The following BFSP1 variants were observed in gnomAD, a reference collection of about 807,000 sequenced individuals.
BFSP1 encodes beaded filament structural protein 1, also known as filensin.
BFSP1 carries 38 observed loss-of-function variants against 43.9 expected under a neutral mutation model. The ratio of observed to expected loss-of-function variants is 0.87; its 90% CI spans 0.67 to 1.14. The LOEUF (loss-of-function observed/expected upper bound fraction) is 1.14, where lower values mean the gene tolerates loss of function less well. BFSP1 is among the 50% of genes most tolerant of loss of function. The pLI is 0.00. For missense variants in BFSP1, 850 were observed against 875.1 expected (o/e 0.97, Z 0.36); for synonymous variants, 352 against 354.8 (o/e 0.99, Z 0.09).
chr20:17,564,879 A>G (rs560728913), intron 1 of BFSP1, among the ~76,000 whole-genome samples: 2 of 151,708 alleles, frequency 1.3e-5, no homozygotes, highest in Non-Finnish European at 2.9e-5. Flanking sequence ...GTGAGCCACC[A>G]TGTCCGGCAA....
chr20:17,511,991 C>A lies in BFSP1; in HGVS notation c.612G>T (p.Thr204=). The change falls in exon 4 of 8, where the codon ACG becomes ACT. Residue 204 remains threonine, a synonymous_variant. Coordinates refer to ENST00000377873, the MANE Select transcript of BFSP1 (RefSeq NM_001195.5). ...IHTTPPASIV[T]SGMREEKLLT... ...CAATTCTTACCTCCCTCATCCCACT[C>A]GTCACAATGGATGCTGGAGGAGTGG... 1 of 1,608,998 alleles carries A rather than the reference C, an allele frequency of 6.2e-7. No homozygotes were observed.
rs73902003 is a variant in BFSP1, at chr20:17,509,225, C to T, written c.628-229G>A. 6.8e-3 allele frequency among the ~76,000 whole-genome samples: 1,032 copies of T among 152,148 alleles called. 19 individuals carry two copies. The highest frequency in any genetic ancestry group is 0.024 in the African/African-American group (990 of 41,480). On this transcript the variant is annotated intron_variant, in intron 4 of 7. Coordinates refer to ENST00000377873, the MANE Select transcript of BFSP1 (RefSeq NM_001195.5). ...CATGTGATTAGGGTCTTTGTAAGAACAAGAAGAGACACCAGAGCCCCCACC... is the reference window on the plus strand; with the variant it reads ...CATGTGATTAGGGTCTTTGTAAGAATAAGAAGAGACACCAGAGCCCCCACC...
chr20:17,566,459 T>C (rs1402527895), intron 1 of BFSP1, among the ~76,000 whole-genome samples: 1 of 152,178 alleles, frequency 6.6e-6, no homozygotes, highest in East Asian at 1.9e-4. Context: ...TCTTAGTCTG[T>C]TCAGGCTGCT....
At chr20:17,558,855 CAG>C in exon 1 of BFSP1, 1 of 1,001,586 alleles carries the variant, frequency 1.0e-6, no homozygotes, top group Non-Finnish European at 1.4e-6. Context: ...TAGAGGTTTG[CAG>C]AGAGGAAGTG....
chr20:17,517,632 C>G (rs2034230038), intron 2 of BFSP1, among the ~76,000 whole-genome samples: 1 of 152,144 alleles, frequency 6.6e-6, no homozygotes, highest in African/African-American at 2.4e-5. Flanking sequence ...TAAAAAGAAA[C>G]AGGTGAAATT....
chr20:17,546,827 C>G (rs1341981836), intron 1 of BFSP1, among the ~76,000 whole-genome samples: 1 of 151,750 alleles, frequency 6.6e-6, no homozygotes, highest in Non-Finnish European at 1.5e-5. Flanking sequence ...AGTTCGAGAC[C>G]AGCCTGGCCA....
intron 1 of BFSP1, among the ~76,000 whole-genome samples, chr20:17,564,182 A>G (rs1381407877): frequency 4.6e-5 from 7 of 151,882 alleles, no homozygotes; most frequent in Non-Finnish European, 1.0e-4. Flanking sequence ...ACACAGACAC[A>G]CACACACACA....
At position 17,547,588 on chromosome 20, in the gene BFSP1, C is replaced by T. The variant is rs560891079; in HGVS notation, c.2+11100G>A. On this transcript the variant is annotated intron_variant, in intron 1 of 7. Transcript: ENST00000377868. ...GCACCCAATGATAATTAATAAAATGCTTAAGCCCAGTTTAACAATGTTTGT... is the reference window on the plus strand; with the variant it reads ...GCACCCAATGATAATTAATAAAATGTTTAAGCCCAGTTTAACAATGTTTGT... Among the ~76,000 whole-genome samples the T allele has an allele frequency of 3.9e-5, 6 of 152,212 alleles. No homozygotes were observed. The South Asian group carries it at 1.0e-3, about 26-fold the overall frequency.
At chr20:17,564,865 A>C (rs1232738045) in intron 1 of BFSP1, among the ~76,000 whole-genome samples, 1 of 152,104 alleles carries the variant, frequency 6.6e-6, no homozygotes, top group East Asian at 1.9e-4. Flanking sequence ...CTGGGATTAC[A>C]GGTGTGAGCC....
chr20:17,494,257 G>T lies in BFSP1; in HGVS notation c.1815C>A (p.Ser605Arg), dbSNP rs777378355. Residue 605 changes from serine (S) to arginine (R), a missense_variant, in exon 8 of 8, where the codon AGC (serine) becomes AGA (arginine). Coordinates refer to ENST00000377873, the MANE Select transcript of BFSP1 (RefSeq NM_001195.5). Reference protein sequence around the residue: ...QDGAEVLGTRSRSLPEKGPPK... With the variant: ...QDGAEVLGTRRRSLPEKGPPK... ...GAGGGCCTTTTTCTGGCAGGCTTCT[G>T]CTCCTAGTCCCAAGCACCTCAGCTC... The T allele has an allele frequency of 6.2e-7, 1 of 1,614,150 alleles. No homozygotes were observed. The highest frequency in any genetic ancestry group is 8.5e-7 in the Non-Finnish European group (1 of 1,180,034).
intron 2 of BFSP1, among the ~76,000 whole-genome samples, 190 bp downstream of exon 2, chr20:17,524,658 T>C (rs964347786): frequency 6.6e-6 from 1 of 151,856 alleles, no homozygotes; most frequent in Non-Finnish European, 1.5e-5. Flanking sequence ...GAGAGAGGGG[T>C]GTGTGTATGG....
chr20:17,523,935 G>A (rs1384496886), intron 2 of BFSP1, among the ~76,000 whole-genome samples: 3 of 152,062 alleles, frequency 2.0e-5, no homozygotes, highest in East Asian at 3.9e-4. Context: ...GAGGCTGCTT[G>A]GAGTTCCATG....
Position 17,544,483 on chromosome 20 carries a change from T to C in BFSP1, c.2+14205A>G, listed in dbSNP as rs2034769578. On this transcript the variant is annotated intron_variant, in intron 1 of 7. Transcript: ENST00000377868. ...ATTGTTTTCAGGTAATCAAATTAGC[T>C]GAAGTACCTCTACATAGTTATTTTA... Among the ~76,000 whole-genome samples the C allele has an allele frequency of 2.6e-5, 4 of 152,212 alleles. No homozygotes were observed. The South Asian group carries it at 8.3e-4, about 32-fold the overall frequency.
intron 1 of BFSP1, among the ~76,000 whole-genome samples, chr20:17,553,996 G>A (rs1489976159): frequency 6.6e-6 from 1 of 150,412 alleles, no homozygotes. Context: ...CATATTTTTA[G>A]CATTAGGGAA....
intron 1 of BFSP1, among the ~76,000 whole-genome samples, chr20:17,565,129 C>T (rs951916128): frequency 1.3e-5 from 2 of 152,130 alleles, no homozygotes. Context: ...CACTCCCACC[C>T]TATTTAACAC....
chr20:17,562,266 G>A (rs544846191), upstream of BFSP1, among the ~76,000 whole-genome samples: 196 of 107,168 alleles, frequency 1.8e-3, no homozygotes, highest in African/African-American at 6.2e-3. Flanking sequence ...GATGGCTCAC[G>A]CCTGTAATCC....
chr20:17,498,876 T>C lies in BFSP1; in HGVS notation c.900A>G (p.Gln300=). ...ACCGGTCCAGCTCATTCTTCAGGGTTTGCTGGGCGACCGCCAGCTGCCGGC... is the reference window on the plus strand; with the variant it reads ...ACCGGTCCAGCTCATTCTTCAGGGTCTGCTGGGCGACCGCCAGCTGCCGGC... ...YDCRQLAVAQ[Q]TLKNELDRYH... Residue 300 remains glutamine, a synonymous_variant, in exon 6 of 8, where the codon CAA becomes CAG. Transcript: ENST00000377873. The C allele has an allele frequency of 6.2e-7, 1 of 1,613,946 alleles. No homozygotes were observed. The highest frequency in any genetic ancestry group is 8.5e-7 in the Non-Finnish European group (1 of 1,180,038).
At chr20:17,563,278 A>G (rs757809872), upstream of BFSP1, among the ~76,000 whole-genome samples, 23 of 152,230 alleles carry the variant, frequency 1.5e-4, no homozygotes, top group African/African-American at 2.2e-4. Flanking sequence ...GTTCTGGTCA[A>G]TGAGATAAAA....
intron 5 of BFSP1, 151 bp downstream of exon 5, chr20:17,508,738 G>T: frequency 2.8e-6 from 2 of 715,966 alleles, no homozygotes; most frequent in Non-Finnish European, 4.3e-6. Context: ...CAGAGCGCTT[G>T]GCCACCCACT....
Sources: allele counts gnomAD v4.1 joint callset (sites outside exome capture counted in the v4.1 genomes callset), GRCh38; gene constraint gnomAD v4.1.1; transcripts MANE v1.5; gene names NCBI Gene and HGNC (gene_info 2026-07-23, HGNC 2026-07-21).